The following ADAMTS6 variants were observed in gnomAD, a reference collection of about 807,000 sequenced individuals.
ADAMTS6 encodes the protein ADAM metallopeptidase with thrombospondin type 1 motif 6, also known as A disintegrin and metalloproteinase with thrombospondin motifs 6.
In ADAMTS6, 23 loss-of-function variants were observed where a neutral mutation model predicts 144.3. The ratio of observed to expected loss-of-function variants is 0.16; its 90% CI spans 0.11 to 0.23. The LOEUF is 0.23. Among genes scored for constraint, ADAMTS6 ranks in the 10% least tolerant of loss-of-function variants. ADAMTS6 has a pLI of 1.00. For synonymous variants in ADAMTS6, 444 were observed against 457.5 expected, an observed-to-expected ratio of 0.97 and a Z score of 0.38; for missense variants, 999 against 1,379.6, an observed-to-expected ratio of 0.72 and a Z score of 4.37.
intron 7 of ADAMTS6, among the ~76,000 whole-genome samples, chr5:65,353,056 G>T (rs1749009970): frequency 6.6e-6 from 1 of 151,846 alleles, no homozygotes; most frequent in Non-Finnish European, 1.5e-5. Context: ...ATGAATGAAT[G>T]AATCTTACCC....
chr5:65,164,048 C>T (rs957458225), intron 24 of ADAMTS6, among the ~76,000 whole-genome samples: 3 of 152,156 alleles, frequency 2.0e-5, no homozygotes, highest in African/African-American at 7.2e-5. Context: ...CGAATAGGAA[C>T]AGCTCTGGTC....
At chr5:65,242,367 A>G (rs187918236) in intron 14 of ADAMTS6, among the ~76,000 whole-genome samples, 161 bp from the exon 15 acceptor site, 54 of 152,322 alleles carry the variant, frequency 3.5e-4, no homozygotes, top group African/African-American at 1.3e-3. Flanking sequence ...TTCAGATTGA[A>G]GTGTGTGAAT....
chr5:65,300,194 A>G (rs1743221095), intron 9 of ADAMTS6, 63 bp from the exon 10 acceptor site: 1 of 1,502,712 alleles, frequency 6.7e-7, no homozygotes, highest in Non-Finnish European at 9.1e-7. Context: ...CACATCCCTT[A>G]TTTCCTTATT....
chr5:65,359,846 A>G (rs1339659451), intron 7 of ADAMTS6, among the ~76,000 whole-genome samples: 1 of 152,158 alleles, frequency 6.6e-6, no homozygotes, highest in Non-Finnish European at 1.5e-5. Flanking sequence ...ATCACAAGCT[A>G]GGGAGAGGTG....
chr5:65,250,329 C>T (rs1383732014), intron 14 of ADAMTS6, among the ~76,000 whole-genome samples: 1 of 152,176 alleles, frequency 6.6e-6, no homozygotes, highest in Non-Finnish European at 1.5e-5. Flanking sequence ...TCAGGATTCA[C>T]ACTCAAGTTA....
chr5:65,312,740 A>G (rs1003467817), intron 9 of ADAMTS6, among the ~76,000 whole-genome samples: 2 of 151,988 alleles, frequency 1.3e-5, no homozygotes, highest in East Asian at 3.8e-4. Flanking sequence ...ACCATAATTT[A>G]TTTATATCTT....
chr5:65,368,552 T>C (rs1219048737), intron 7 of ADAMTS6, among the ~76,000 whole-genome samples: 1 of 152,226 alleles, frequency 6.6e-6, no homozygotes, highest in Non-Finnish European at 1.5e-5. Flanking sequence ...AGGCTTTTAA[T>C]TCTTCTCTTC....
chr5:65,417,096 T>A (rs192112392), intron 7 of ADAMTS6, among the ~76,000 whole-genome samples: 42 of 152,318 alleles, frequency 2.8e-4, no homozygotes, highest in Middle Eastern at 3.4e-3. Context: ...ATAAATGTGA[T>A]TCACCACATA....
chr5:65,173,120 C>T (rs1018992360), intron 22 of ADAMTS6, 112 bp from the exon 23 acceptor site: 2 of 1,074,374 alleles, frequency 1.9e-6, no homozygotes, highest in Non-Finnish European at 2.6e-6. Context: ...TACACATATA[C>T]TAAGTTCTAG....
chr5:65,284,086 T>C (rs1320231990), intron 11 of ADAMTS6, among the ~76,000 whole-genome samples: 2 of 152,108 alleles, frequency 1.3e-5, no homozygotes, highest in African/African-American at 4.8e-5. Flanking sequence ...AAAAGACTCG[T>C]ACAACTAACA....
chr5:65,370,686 C>G (rs527825045), intron 7 of ADAMTS6, among the ~76,000 whole-genome samples: 1 of 152,262 alleles, frequency 6.6e-6, no homozygotes, highest in South Asian at 2.1e-4. Flanking sequence ...CAAAGGGCAG[C>G]GAGGCTGGGG....
intron 20 of ADAMTS6, among the ~76,000 whole-genome samples, chr5:65,206,779 G>A (rs969320555): frequency 4.3e-4 from 58 of 136,180 alleles, no homozygotes; most frequent in African/African-American, 1.4e-3. Flanking sequence ...TCAAAAAAAA[G>A]AAAGACATAA....
At chr5:65,250,631 T>C (rs2112539115) in intron 14 of ADAMTS6, among the ~76,000 whole-genome samples, 1 of 152,312 alleles carries the variant, frequency 6.6e-6, no homozygotes. Flanking sequence ...AATCAAATGT[T>C]TAATATGCAA....
chr5:65,332,534 A>AAT (rs1468965147), intron 8 of ADAMTS6, among the ~76,000 whole-genome samples: 2 of 151,944 alleles, frequency 1.3e-5, no homozygotes, highest in African/African-American at 4.8e-5. Flanking sequence ...AGTTTAAAAG[A>AAT]ATAGGCAATT....
At chr5:65,205,056 T>A (rs538500962) in intron 20 of ADAMTS6, among the ~76,000 whole-genome samples, 1 of 152,284 alleles carries the variant, frequency 6.6e-6, no homozygotes, top group East Asian at 1.9e-4. Flanking sequence ...CATTTAGTTA[T>A]AAGATTCAAC....
chr5:65,301,637 G>C (rs1743382023), intron 9 of ADAMTS6, among the ~76,000 whole-genome samples: 2 of 152,192 alleles, frequency 1.3e-5, no homozygotes, highest in South Asian at 2.1e-4. Flanking sequence ...ATGGAACCAG[G>C]GGAGTAGTCA....
At chr5:65,231,200 A>T (rs987559232) in intron 15 of ADAMTS6, among the ~76,000 whole-genome samples, 7 of 151,976 alleles carry the variant, frequency 4.6e-5, no homozygotes, top group Admixed American at 3.3e-4. Context: ...AATATATTCC[A>T]TGGAAACAGA....
rs1358659889 is a variant in ADAMTS6 at position 65,150,599 on chromosome 5, T to A, written c.*1237A>T. ...TTTATGATGTCTAGTCTTCATGAAA[T>A]TTTCTTCTTTGGTTATTATCCCTTG... On this transcript the variant is annotated 3_prime_UTR_variant, in exon 25 of 25. Coordinates refer to ENST00000381055, the MANE Select transcript of ADAMTS6 (RefSeq NM_197941.4). 6.6e-6 allele frequency: 1 copy of A among 152,594 alleles called. No individual in the cohort carries two copies. Among genetic ancestry groups the A allele is most frequent in the African/African-American group, 2.4e-5 (1 of 41,422 alleles). The allele number at this position is 152,594 out of a possible 1,614,324, so 9.5% of individuals were successfully genotyped here. A position where few individuals can be genotyped will look rare whatever the true frequency, so the allele number is the denominator to read the frequency against.
chr5:65,197,356 A>G (rs1298918896), intron 20 of ADAMTS6, among the ~76,000 whole-genome samples: 1 of 152,202 alleles, frequency 6.6e-6, no homozygotes, highest in African/African-American at 2.4e-5. Context: ...ATATTTAGAA[A>G]CGTAACTATT....
Sources: allele counts gnomAD v4.1 joint callset (sites outside exome capture counted in the v4.1 genomes callset), GRCh38; gene constraint gnomAD v4.1.1; transcripts MANE v1.5; gene names NCBI Gene and HGNC (gene_info 2026-07-23, HGNC 2026-07-21).